NSG2: variants seen among roughly 807,000 people sequenced by gnomAD.
NSG2 encodes the protein neuronal vesicle trafficking-associated protein 2.
NSG2 carries 4 observed loss-of-function variants against 16.9 expected under a neutral mutation model. The observed-to-expected ratio is 0.24, with a 90% CI of 0.12 to 0.54. The LOEUF is 0.54. NSG2 is among the 20% of genes least tolerant of loss of function. NSG2 has a pLI of 0.95. For synonymous variants in NSG2, 98 were observed against 88.7 expected (o/e 1.11, Z -0.59); for missense variants, 179 against 221.1 (o/e 0.81, Z 1.21).
At chr5:174,053,381 G>A (rs1022935113) in intron 2 of NSG2, among the ~76,000 whole-genome samples, 1 of 152,160 alleles carries the variant, frequency 6.6e-6, no homozygotes, top group African/African-American at 2.4e-5. Flanking sequence ...GAGAAGGATG[G>A]GGTTTCACAG....
rs1760352355 is a variant in NSG2, at chr5:174,076,858, A to G, written c.213+12543A>G. ...ATACATAGGACAGCTCCTTACAACAAAGCATTTTCCAGCCCCAAATGCTGA... is the reference window on the plus strand; with the variant it reads ...ATACATAGGACAGCTCCTTACAACAGAGCATTTTCCAGCCCCAAATGCTGA... On this transcript the variant is annotated intron_variant, in intron 3 of 4. Coordinates refer to ENST00000303177, the MANE Select transcript of NSG2 (RefSeq NM_015980.5). Among the ~76,000 whole-genome samples the G allele has an allele frequency of 2.0e-5, 3 of 152,210 alleles. No homozygotes were observed. The South Asian group carries it at 6.2e-4, about 32-fold the overall frequency.
intron 2 of NSG2, among the ~76,000 whole-genome samples, chr5:174,050,137 A>C (rs181832186): frequency 1.4e-4 from 22 of 152,324 alleles, no homozygotes; most frequent in African/African-American, 5.3e-4. Flanking sequence ...CACAGCTGTC[A>C]GCTGTCAGCC....
At chr5:174,099,518 A>G (rs867389648) in intron 3 of NSG2, among the ~76,000 whole-genome samples, 123 of 151,802 alleles carry the variant, frequency 8.1e-4, no homozygotes, top group African/African-American at 2.8e-3. Flanking sequence ...ACTCCAAAAC[A>G]TAATTCTCAC....
At chr5:174,054,575 G>A (rs568295925) in intron 2 of NSG2, among the ~76,000 whole-genome samples, 28 of 152,164 alleles carry the variant, frequency 1.8e-4, no homozygotes, top group African/African-American at 6.3e-4. Flanking sequence ...TAATAGACGG[G>A]GCCTTGTTGC....
Position 174,107,722 on chromosome 5 carries a change from G to A in NSG2, c.*217G>A, listed in dbSNP as rs1416445433. The A allele has an allele frequency of 5.8e-6, 4 of 695,524 alleles. No individual in the cohort carries two copies. The highest frequency in any genetic ancestry group is 2.7e-5 in the East Asian group (1 of 36,758). The allele number at this position is 695,524 out of a possible 1,614,324, so 43.1% of individuals were successfully genotyped here. A position where few individuals can be genotyped will look rare whatever the true frequency, so the allele number is the denominator to read the frequency against. ...TCCTTGGTATTGTTGATTCGTCGCCGAGTCAGGCTCATGTACAAAGGCATG... is the reference window on the plus strand; with the variant it reads ...TCCTTGGTATTGTTGATTCGTCGCCAAGTCAGGCTCATGTACAAAGGCATG... On this transcript the variant is annotated 3_prime_UTR_variant, in exon 5 of 5. Transcript: ENST00000303177. This position sits in a 1 kb window ranked among gnomAD's most constrained non-coding sequence, Gnocchi z 4.5.
At position 174,107,164 on chromosome 5, in the gene NSG2, C is replaced by A; in HGVS notation, c.325-150C>A. ...TGTGCTGGTGCTGGTGTTGGGAAGGCTGCTGCGTGCCAGGCCCAGGTCAGG... is the reference window on the plus strand; with the variant it reads ...TGTGCTGGTGCTGGTGTTGGGAAGGATGCTGCGTGCCAGGCCCAGGTCAGG... On this transcript the variant is annotated intron_variant, in intron 4 of 4. Coordinates refer to ENST00000303177, the MANE Select transcript of NSG2 (RefSeq NM_015980.5). This position sits in a 1 kb window ranked among gnomAD's most constrained non-coding sequence, Gnocchi z 4.5. 1.7e-6 allele frequency: 1 copy of A among 582,056 alleles called. No homozygotes were observed. The highest frequency in any genetic ancestry group is 3.0e-6 in the Non-Finnish European group (1 of 336,296). The allele number at this position is 582,056 out of a possible 1,614,324, so 36.1% of individuals were successfully genotyped here.
At chr5:174,063,077 C>T (rs1760078574) in intron 2 of NSG2, among the ~76,000 whole-genome samples, 1 of 152,164 alleles carries the variant, frequency 6.6e-6, no homozygotes, top group Non-Finnish European at 1.5e-5. Context: ...ATATGAAGTG[C>T]TTGATCTAGT....
At chr5:174,086,189 C>G (rs1430629442) in intron 3 of NSG2, among the ~76,000 whole-genome samples, 1 of 152,214 alleles carries the variant, frequency 6.6e-6, no homozygotes, top group African/African-American at 2.4e-5. Context: ...TGGCCTCACC[C>G]TGGGCCTTGT....
chr5:174,100,648 T>A (rs1760883757), intron 3 of NSG2, among the ~76,000 whole-genome samples: 1 of 152,230 alleles, frequency 6.6e-6, no homozygotes, highest in Non-Finnish European at 1.5e-5. Flanking sequence ...AAGCATTTGC[T>A]GGAGGCCTGC....
Position 174,060,880 on chromosome 5 carries a change from C to T in NSG2, c.130-3352C>T, listed in dbSNP as rs1233983038. Among the ~76,000 whole-genome samples the T allele has an allele frequency of 4.6e-5, 7 of 152,088 alleles. No homozygotes were observed. In the South Asian group the frequency reaches 6.2e-4, roughly 14 times the overall value. On this transcript the variant is annotated intron_variant, in intron 2 of 4. Transcript: ENST00000303177. ...TCAAGGTCAGTGGAGAATCTCTTTC[C>T]AGTCTGTTACCCTGGAGTTTTACAT...
At chr5:174,091,566 T>C (rs897201597) in intron 3 of NSG2, among the ~76,000 whole-genome samples, 10 of 151,986 alleles carry the variant, frequency 6.6e-5, no homozygotes, top group African/African-American at 2.4e-4. Context: ...CTGGTGTGTG[T>C]GTGGAGCACC....
intron 3 of NSG2, among the ~76,000 whole-genome samples, chr5:174,088,046 A>G (rs1287511647): frequency 2.0e-5 from 3 of 152,096 alleles, no homozygotes; most frequent in South Asian, 2.1e-4. Context: ...CTGTCTTGCC[A>G]TTTTAGGGTT....
intron 3 of NSG2, among the ~76,000 whole-genome samples, chr5:174,076,906 C>T (rs1760353525): frequency 6.6e-6 from 1 of 152,178 alleles, no homozygotes. Context: ...TAGGATTTAC[C>T]AGCATGTTCG....
intron 1 of NSG2, among the ~76,000 whole-genome samples, chr5:174,046,360 G>C (rs945294052): frequency 6.6e-6 from 1 of 151,884 alleles, no homozygotes; most frequent in Non-Finnish European, 1.5e-5. Flanking sequence ...CAGGCGGGGG[G>C]GGTGGTATAA....
chr5:174,076,164 A>G (rs1425352287), intron 3 of NSG2, among the ~76,000 whole-genome samples: 1 of 152,202 alleles, frequency 6.6e-6, no homozygotes, highest in Non-Finnish European at 1.5e-5. Context: ...AGTGCCCACC[A>G]ATTGAGAGAG....
chr5:174,088,097 T>C (rs1406440979), intron 3 of NSG2, among the ~76,000 whole-genome samples: 1 of 152,244 alleles, frequency 6.6e-6, no homozygotes, highest in East Asian at 1.9e-4. Context: ...GGAATTCTTC[T>C]GATATATTGA....
chr5:174,067,340 G>A (rs569065697), intron 3 of NSG2, among the ~76,000 whole-genome samples: 2 of 147,574 alleles, frequency 1.4e-5, no homozygotes, highest in African/African-American at 2.6e-5. Context: ...AGGGCCTGGC[G>A]GCCTCTCTGC....
intron 2 of NSG2, chr5:174,062,711 A>G (rs1482928207): frequency 6.6e-6 from 1 of 152,218 alleles, no homozygotes; most frequent in Admixed American, 6.5e-5. Flanking sequence ...AAGTCCAGCC[A>G]TAGGTTAGTT....
rs1761010852 is a variant in NSG2, at chr5:174,107,845, T to C, written c.*340T>C. On this transcript the variant is annotated 3_prime_UTR_variant, in exon 5 of 5. Coordinates refer to ENST00000303177, the MANE Select transcript of NSG2 (RefSeq NM_015980.5). This position sits in a 1 kb window ranked among gnomAD's most constrained non-coding sequence, Gnocchi z 4.5. ...CAGAAAAGGAAAGAAACAAAGAACA[T>C]GAACAAAAAGCATTAAACTGGCTCC... 4.3e-6 allele frequency: 2 copies of C among 461,424 alleles called. No individual in the cohort carries two copies. Among genetic ancestry groups the C allele is most frequent in the Non-Finnish European group, 8.4e-6 (2 of 238,062 alleles). The allele number at this position is 461,424 out of a possible 1,614,324, so 28.6% of individuals were successfully genotyped here.
Sources: allele counts gnomAD v4.1 joint callset (sites outside exome capture counted in the v4.1 genomes callset), GRCh38; gene constraint gnomAD v4.1.1; non-coding constraint Gnocchi (gnomAD v3.1); transcripts MANE v1.5; gene names NCBI Gene and HGNC (gene_info 2026-07-23, HGNC 2026-07-21).